Variants in PDE6A observed in about 807,000 individuals in gnomAD.
PDE6A encodes the protein phosphodiesterase 6A, also known as rod cGMP-specific 3',5'-cyclic phosphodiesterase subunit alpha.
In PDE6A, 84 loss-of-function variants were observed where a neutral mutation model predicts 106.3. The observed-to-expected ratio is 0.79, with a 90% CI of 0.66 to 0.95. The LOEUF (loss-of-function observed/expected upper bound fraction) is 0.95. PDE6A is among the 40% of genes least tolerant of loss of function. The probability of loss-of-function intolerance (pLI) is 0.00; values close to 1 mark genes in which losing one functional copy is unlikely to be tolerated. For missense variants in PDE6A, 1,052 were observed against 1,084.9 expected (o/e 0.97, Z 0.43); for synonymous variants, 394 against 386.6 (o/e 1.02, Z -0.23).
intron 19 of PDE6A, 175 bp downstream of exon 19, chr5:149,867,550 G>A: frequency 1.5e-6 from 1 of 687,316 alleles, no homozygotes; most frequent in Non-Finnish European, 2.6e-6. Flanking sequence ...TACCTAACAT[G>A]TTCTCAAGTA....
intron 1 of PDE6A, among the ~76,000 whole-genome samples, chr5:149,941,361 T>C (rs1301780091): frequency 6.6e-6 from 1 of 152,160 alleles, no homozygotes; most frequent in African/African-American, 2.4e-5. Context: ...GAGTAGGAGT[T>C]GGCCTGGGCA....
At chr5:149,899,351 A>C (rs1752877700) in intron 9 of PDE6A, 24 bp downstream of exon 9, 1 of 1,612,824 alleles carries the variant, frequency 6.2e-7, no homozygotes. Context: ...TCCCAACAGC[A>C]AAAGGCCTCC....
At chr5:149,907,503 A>C in intron 6 of PDE6A, 125 bp from the exon 7 acceptor site, 1 of 721,082 alleles carries the variant, frequency 1.4e-6, no homozygotes, top group Non-Finnish European at 2.5e-6. Flanking sequence ...CATTCACTAC[A>C]CCTGACCAAA....
intron 1 of PDE6A, among the ~76,000 whole-genome samples, chr5:149,942,467 G>A (rs1265466588): frequency 6.6e-6 from 1 of 152,168 alleles, no homozygotes; most frequent in African/African-American, 2.4e-5. Context: ...GACCACAGGT[G>A]TGAACTGAAG....
chr5:149,879,462 A>G (rs1282813218), intron 17 of PDE6A, among the ~76,000 whole-genome samples: 1 of 150,976 alleles, frequency 6.6e-6, no homozygotes, highest in Non-Finnish European at 1.5e-5. Flanking sequence ...TTTAGGGTAC[A>G]TGTGCACCTT....
chr5:149,895,397 A>G (rs2113583260), intron 12 of PDE6A, 107 bp from the exon 13 acceptor site: 2 of 785,768 alleles, frequency 2.5e-6, no homozygotes, highest in East Asian at 5.2e-5. Flanking sequence ...CTCTCTTTTG[A>G]GGTTTGAGGT....
chr5:149,871,734 A>G (rs75921978), intron 17 of PDE6A, among the ~76,000 whole-genome samples: 4,988 of 152,290 alleles, frequency 0.033, 117 homozygotes, highest in Admixed American at 0.055. Flanking sequence ...CATGGGAGTT[A>G]GAACAGAAGG....
At chr5:149,879,251 T>C (rs1289966310) in intron 17 of PDE6A, among the ~76,000 whole-genome samples, 2 of 151,982 alleles carry the variant, frequency 1.3e-5, no homozygotes, top group Admixed American at 6.6e-5. Flanking sequence ...TTTGTATTTT[T>C]AGTAGAGATG....
rs1255213042 is a variant in PDE6A, at chr5:149,859,840, A to G, written c.*1055T>C. On this transcript the variant is annotated 3_prime_UTR_variant, in exon 22 of 22. Coordinates refer to ENST00000255266, the MANE Select transcript of PDE6A (RefSeq NM_000440.3). ...GGGCCAGTGATGTGGTTATGTTAGA[A>G]AACATACTTATTTCTTTAAAGATGA... The G allele has an allele frequency of 6.6e-6, 1 of 152,260 alleles. No homozygotes were observed. The highest frequency in any genetic ancestry group is 1.5e-5 in the Non-Finnish European group (1 of 68,070). 9.4% of individuals were successfully genotyped at this position (152,260 alleles called of 1,614,324 possible). A position where few individuals can be genotyped will look rare whatever the true frequency, so the allele number is the denominator to read the frequency against.
In PDE6A at chr5:149,903,712, G is replaced by C; in HGVS notation, c.1066-17C>G. ...GTTGCAAATCTGAGAGCAGTGAAGG[G>C]GAATAATGAAGGTGTGATTAGGCCT... On this transcript the variant is annotated splice_polypyrimidine_tract_variant and intron_variant, in intron 7 of 21. Transcript: ENST00000255266. The C allele has an allele frequency of 2.5e-6, 4 of 1,611,316 alleles. No individual in the cohort carries two copies. Among genetic ancestry groups the C allele is most frequent in the Non-Finnish European group, 3.4e-6 (4 of 1,177,462 alleles).
At chr5:149,921,747 A>G (rs749567119) in intron 4 of PDE6A, 38 bp from the exon 5 acceptor site, 1 of 1,538,280 alleles carries the variant, frequency 6.5e-7, no homozygotes, top group South Asian at 1.1e-5. Context: ...TGTTTTGAAA[A>G]GAGATCAAGG....
intron 3 of PDE6A, chr5:149,932,129 T>C: frequency 8.1e-7 from 1 of 1,241,796 alleles, no homozygotes; most frequent in Non-Finnish European, 1.2e-6. Context: ...GACGTCTATT[T>C]AGTTTGATTA....
chr5:149,934,500 C>G, intron 2 of PDE6A, 66 bp downstream of exon 2: 1 of 1,544,478 alleles, frequency 6.5e-7, no homozygotes. Flanking sequence ...CAGCAAAGTT[C>G]AGGGGACTTC....
intron 5 of PDE6A, among the ~76,000 whole-genome samples, chr5:149,915,544 C>G (rs1166265002): frequency 6.6e-6 from 1 of 152,224 alleles, no homozygotes; most frequent in Non-Finnish European, 1.5e-5. Flanking sequence ...TCCCTGTCCT[C>G]TGCTGACCCT....
chr5:149,858,324 T>C lies in PDE6A; in HGVS notation c.*2571A>G, dbSNP rs1760007808. The C allele has an allele frequency of 6.6e-6, 1 of 152,226 alleles. No individual in the cohort carries two copies. The highest frequency in any genetic ancestry group is 1.5e-5 in the Non-Finnish European group (1 of 68,034). The allele number at this position is 152,226 out of a possible 1,614,324, so 9.4% of individuals were successfully genotyped here. On this transcript the variant is annotated 3_prime_UTR_variant, in exon 22 of 22. Transcript: ENST00000255266. ...TCAAGATTTGGACAAGTGTAACAAA[T>C]TGACTTGCAAATTTTTAGCATGTTA...
At chr5:149,905,255 C>T (rs916993594) in intron 7 of PDE6A, among the ~76,000 whole-genome samples, 5 of 152,116 alleles carry the variant, frequency 3.3e-5, no homozygotes, top group Admixed American at 3.3e-4. Context: ...TGCCAACACC[C>T]TCCATTATTG....
intron 5 of PDE6A, among the ~76,000 whole-genome samples, chr5:149,916,274 C>T (rs927407305): frequency 1.3e-5 from 2 of 152,158 alleles, no homozygotes; most frequent in East Asian, 1.9e-4. Context: ...TTCGTCTCTG[C>T]GTTTTAATTT....
At chr5:149,932,374 C>T in intron 3 of PDE6A, 1 of 1,398,560 alleles carries the variant, frequency 7.2e-7, no homozygotes, top group Non-Finnish European at 1.0e-6. Flanking sequence ...AGTGGTCTTT[C>T]ACTTAGCCTA....
chr5:149,925,390 GT>G (rs1201092235), intron 4 of PDE6A, among the ~76,000 whole-genome samples: 1 of 152,184 alleles, frequency 6.6e-6, no homozygotes, highest in Non-Finnish European at 1.5e-5. Flanking sequence ...AAACTCAATA[GT>G]TTAACAGTCA....
Sources: gnomAD v4.1 joint callset for allele counts (sites outside exome capture counted in the v4.1 genomes callset) on GRCh38, gnomAD v4.1.1 for gene constraint, MANE v1.5 for transcripts, NCBI Gene and HGNC (gene_info 2026-07-23, HGNC 2026-07-21) for gene names.